CLSTN2: variants seen among roughly 807,000 people sequenced by gnomAD.
CLSTN2 encodes calsyntenin 2.
A neutral mutation model predicts 101.2 loss-of-function variants in CLSTN2; 48 were observed. That is an observed-to-expected ratio of 0.47 (90% CI 0.38 to 0.60). The LOEUF is 0.60. Among genes scored for constraint, CLSTN2 ranks in the 20% least tolerant of loss-of-function variants. The pLI, the probability that CLSTN2 is intolerant of heterozygous loss-of-function variation, is 0.00. For synonymous variants in CLSTN2, 481 were observed against 463.6 expected (o/e 1.04, Z -0.48); for missense variants, 1,160 against 1,238.2 (o/e 0.94, Z 0.95).
At chr3:140,079,379 C>T (rs938716615) in intron 1 of CLSTN2, among the ~76,000 whole-genome samples, 1 of 152,048 alleles carries the variant, frequency 6.6e-6, no homozygotes, top group African/African-American at 2.4e-5. Context: ...TAGAGAAAAT[C>T]GTTCTAAAAG....
chr3:140,250,612 G>T (rs192380123), intron 2 of CLSTN2, among the ~76,000 whole-genome samples: 2 of 152,302 alleles, frequency 1.3e-5, no homozygotes, highest in East Asian at 3.9e-4. Flanking sequence ...CCCTGCAAGT[G>T]CCTCAGCCCC....
intron 1 of CLSTN2, among the ~76,000 whole-genome samples, chr3:140,078,845 A>G (rs1046699418): frequency 6.6e-6 from 1 of 152,178 alleles, no homozygotes; most frequent in Non-Finnish European, 1.5e-5. Context: ...AAATTCAGGG[A>G]AAAAATCAAC....
At chr3:140,008,366 G>C (rs951578201) in intron 1 of CLSTN2, among the ~76,000 whole-genome samples, 1 of 152,220 alleles carries the variant, frequency 6.6e-6, no homozygotes, top group African/African-American at 2.4e-5. Flanking sequence ...CCAAGGCTCA[G>C]GTCGCCTCTG....
At chr3:140,107,008 T>C (rs768458765) in intron 1 of CLSTN2, among the ~76,000 whole-genome samples, 5 of 152,186 alleles carry the variant, frequency 3.3e-5, no homozygotes, top group Admixed American at 6.5e-5. Context: ...TTTAATGCAA[T>C]TTCACTACTG....
chr3:140,045,150 C>G (rs920893102), intron 1 of CLSTN2, among the ~76,000 whole-genome samples: 1 of 152,096 alleles, frequency 6.6e-6, no homozygotes, highest in African/African-American at 2.4e-5. Context: ...GCTGTGAATC[C>G]GTCTGGTCCT....
chr3:140,373,602 T>C (rs564124661), intron 2 of CLSTN2, among the ~76,000 whole-genome samples: 59 of 152,296 alleles, frequency 3.9e-4, no homozygotes, highest in African/African-American at 1.3e-3. Context: ...AGACCGTCTT[T>C]AAGAGAAAGA....
chr3:140,135,094 A>G (rs963368432), intron 1 of CLSTN2, among the ~76,000 whole-genome samples: 2 of 43,222 alleles, frequency 4.6e-5, no homozygotes, highest in African/African-American at 2.1e-4. Flanking sequence ...AAAAACACAC[A>G]CACACACACA....
intron 2 of CLSTN2, among the ~76,000 whole-genome samples, chr3:140,382,486 G>A (rs920559477): frequency 2.6e-5 from 4 of 152,190 alleles, no homozygotes; most frequent in Non-Finnish European, 5.9e-5. Flanking sequence ...AAGCAAATCT[G>A]TCAGGGAAGT....
intron 1 of CLSTN2, among the ~76,000 whole-genome samples, chr3:140,138,740 C>T (rs1282886534): frequency 2.6e-5 from 4 of 152,222 alleles, no homozygotes; most frequent in Non-Finnish European, 5.9e-5. Flanking sequence ...TTCTCCTCTG[C>T]TCCTGGTTGA....
intron 1 of CLSTN2, among the ~76,000 whole-genome samples, chr3:139,947,378 C>T (rs1935230768): frequency 6.6e-6 from 1 of 152,154 alleles, no homozygotes; most frequent in Non-Finnish European, 1.5e-5. Flanking sequence ...CTGCAAATTG[C>T]CCTAGCTTCT....
intron 1 of CLSTN2, among the ~76,000 whole-genome samples, chr3:140,135,133 T>C (rs867865937): frequency 0.019 from 2,156 of 114,594 alleles, 31 homozygotes; most frequent in African/African-American, 0.066. Context: ...TATATATATA[T>C]ATATATATAT....
chr3:140,375,789 T>G (rs2087911278), intron 2 of CLSTN2, among the ~76,000 whole-genome samples: 1 of 152,228 alleles, frequency 6.6e-6, no homozygotes, highest in South Asian at 2.1e-4. Context: ...GATTCATCAT[T>G]TTGTTGATAA....
At chr3:139,961,534 C>T (rs928006848) in intron 1 of CLSTN2, among the ~76,000 whole-genome samples, 9 of 152,118 alleles carry the variant, frequency 5.9e-5, no homozygotes, top group Admixed American at 2.6e-4. Flanking sequence ...TGTTGATCTG[C>T]TGGTTCTCCA....
chr3:140,060,684 A>C (rs2008189280), intron 1 of CLSTN2, among the ~76,000 whole-genome samples: 1 of 152,134 alleles, frequency 6.6e-6, no homozygotes, highest in Admixed American at 6.5e-5. Flanking sequence ...GCCCATCACC[A>C]ATAGGGCTGC....
chr3:140,372,923 G>A (rs1364117345), intron 2 of CLSTN2, among the ~76,000 whole-genome samples: 4 of 152,146 alleles, frequency 2.6e-5, no homozygotes, highest in Non-Finnish European at 4.4e-5. Context: ...TTAAAAATTA[G>A]CCAGGCATAA....
At chr3:140,511,214 C>A (rs917855932) in intron 8 of CLSTN2, among the ~76,000 whole-genome samples, 2 of 152,188 alleles carry the variant, frequency 1.3e-5, no homozygotes, top group Non-Finnish European at 2.9e-5. Context: ...CCTTTTATGG[C>A]TACATAGTAT....
In CLSTN2 at chr3:140,571,933, T is replaced by A. The variant is rs1985565920; in HGVS notation, c.*5680T>A. On this transcript the variant is annotated 3_prime_UTR_variant, in exon 17 of 17. Coordinates refer to ENST00000458420, the MANE Select transcript of CLSTN2 (RefSeq NM_022131.3). ...TATGCAGGTAGTAAACAGATGGGAG[T>A]CTGTGTTTGCAGCTATGTTCAGTGT... 6.6e-6 allele frequency: 1 copy of A among 151,964 alleles called. No individual in the cohort carries two copies. The highest frequency in any genetic ancestry group is 1.5e-5 in the Non-Finnish European group (1 of 68,028). 9.4% of individuals were successfully genotyped at this position (151,964 alleles called of 1,614,324 possible).
chr3:140,128,771 G>A (rs796768261), intron 1 of CLSTN2, among the ~76,000 whole-genome samples: 23 of 152,238 alleles, frequency 1.5e-4, no homozygotes, highest in African/African-American at 4.8e-4. Context: ...GAGGGCAGGC[G>A]AGAGAGCTCA....
Position 140,404,725 on chromosome 3 carries a change from A to G in CLSTN2, c.596A>G (p.Glu199Gly), listed in dbSNP as rs747541327. 1 of 1,614,162 alleles carries G rather than the reference A, an allele frequency of 6.2e-7. No homozygotes were observed. The highest frequency in any genetic ancestry group is 2.2e-5 in the East Asian group (1 of 44,870). ...CAGTACAGCCAGATCTGCAACTATG[A>G]AATCGTCACCACAGATGTGCCTTTT... ...SPQYSQICNY[E>G]IVTTDVPFAI... Residue 199 changes from glutamate to glycine, a missense_variant, in exon 4 of 17, where the codon GAA (glutamate) becomes GGA (glycine). Coordinates refer to ENST00000458420, the MANE Select transcript of CLSTN2 (RefSeq NM_022131.3).
Sources: allele counts gnomAD v4.1 joint callset (sites outside exome capture counted in the v4.1 genomes callset), GRCh38; gene constraint gnomAD v4.1.1; transcripts MANE v1.5; gene names NCBI Gene and HGNC (gene_info 2026-07-23, HGNC 2026-07-21).